The following CERKL variants were observed in gnomAD, a reference collection of about 807,000 sequenced individuals.
The protein encoded by CERKL is ceramide kinase-like protein.
Under a neutral mutation model 63.4 loss-of-function variants are expected in CERKL, and 61 were observed. The ratio of observed to expected loss-of-function variants is 0.96; its 90% CI spans 0.78 to 1.19. The LOEUF (loss-of-function observed/expected upper bound fraction) is 1.19. Among genes scored for constraint, CERKL ranks in the 50% most tolerant of loss-of-function variants. The probability of loss-of-function intolerance (pLI) is 0.00; values close to 1 mark genes in which losing one functional copy is unlikely to be tolerated. For synonymous variants in CERKL, 250 were observed against 230.5 expected (o/e 1.08, Z -0.77); for missense variants, 675 against 655.5 (o/e 1.03, Z -0.33).
At chr2:181,570,411 A>T (rs1057060452) in intron 3 of CERKL, among the ~76,000 whole-genome samples, 1 of 152,160 alleles carries the variant, frequency 6.6e-6, no homozygotes, top group African/African-American at 2.4e-5. Context: ...GATCCTCAAA[A>T]TATCTGTCAC....
chr2:181,560,033 C>G (rs1170830509), intron 4 of CERKL, among the ~76,000 whole-genome samples: 1 of 152,122 alleles, frequency 6.6e-6, no homozygotes, highest in Non-Finnish European at 1.5e-5. Context: ...TTACTAAGGA[C>G]AAACTATATA....
intron 2 of CERKL, among the ~76,000 whole-genome samples, chr2:181,586,232 A>G (rs920808898): frequency 1.3e-5 from 2 of 152,286 alleles, no homozygotes; most frequent in African/African-American, 2.4e-5. Context: ...CCTCTTGACT[A>G]AACAATTAAC....
intron 2 of CERKL, among the ~76,000 whole-genome samples, chr2:181,587,401 TTAAA>T (rs1396416143): frequency 6.6e-5 from 10 of 152,122 alleles, no homozygotes; most frequent in African/African-American, 2.4e-4. Flanking sequence ...CTAAGACTAT[TTAAA>T]TAGAGAGCAA....
intron 1 of CERKL, among the ~76,000 whole-genome samples, chr2:181,632,535 G>A (rs1256949571): frequency 6.6e-6 from 1 of 152,166 alleles, no homozygotes; most frequent in Non-Finnish European, 1.5e-5. Flanking sequence ...GGGTGCACCT[G>A]TTCAGGGTGT....
chr2:181,649,777 C>G (rs1323355111), intron 1 of CERKL: 1 of 152,272 alleles, frequency 6.6e-6, no homozygotes, highest in African/African-American at 2.4e-5. Flanking sequence ...TGGCTGTAAT[C>G]CCAGCACTTT....
chr2:181,620,530 A>T (rs987619585), intron 1 of CERKL, among the ~76,000 whole-genome samples: 2 of 152,218 alleles, frequency 1.3e-5, no homozygotes, highest in African/African-American at 4.8e-5. Context: ...ACAACTGTTG[A>T]AAGTTCAGAG....
At chr2:181,604,199 A>G in intron 1 of CERKL, 120 bp from the exon 2 acceptor site, 1 of 757,564 alleles carries the variant, frequency 1.3e-6, no homozygotes, top group South Asian at 1.6e-5. Context: ...AAAAATAACT[A>G]ATGGGTACTG....
At chr2:181,591,525 C>CA (rs1239204554) in intron 2 of CERKL, among the ~76,000 whole-genome samples, 1 of 151,870 alleles carries the variant, frequency 6.6e-6, no homozygotes, top group South Asian at 2.1e-4. Context: ...GTCTAGGGGC[C>CA]AAAAAAAGAG....
chr2:181,611,214 C>A (rs1236487438), intron 1 of CERKL, among the ~76,000 whole-genome samples: 1 of 152,006 alleles, frequency 6.6e-6, no homozygotes, highest in African/African-American at 2.4e-5. Flanking sequence ...CAGAGTGAAA[C>A]TCCATCTCAA....
intron 2 of CERKL, among the ~76,000 whole-genome samples, chr2:181,590,979 T>C (rs1272713105): frequency 1.3e-5 from 2 of 151,882 alleles, no homozygotes; most frequent in Non-Finnish European, 2.9e-5. Context: ...TATTAGTAAT[T>C]GCAGATACTA....
chr2:181,639,786 C>T (rs1238759435), intron 1 of CERKL, among the ~76,000 whole-genome samples: 1 of 152,100 alleles, frequency 6.6e-6, no homozygotes, highest in Non-Finnish European at 1.5e-5. Flanking sequence ...CACCTCTGGG[C>T]CCTAGGGATA....
chr2:181,565,638 A>G (rs1186599030), intron 4 of CERKL: 1 of 800,532 alleles, frequency 1.2e-6, no homozygotes, highest in African/African-American at 1.7e-5. Context: ...TCTATCACAG[A>G]CAAGTTAACC....
At position 181,633,313 on chromosome 2, in the gene CERKL, G is replaced by A. The variant is rs571463704; in HGVS notation, c.238+23456C>T. Among the ~76,000 whole-genome samples the A allele has an allele frequency of 5.3e-5, 8 of 152,316 alleles. 1 individual carries two copies. Among genetic ancestry groups the A allele is most frequent in the East Asian group, 3.9e-4 (2 of 5,188 alleles). ...GCAGCAAGGATGACTGAATGAGCAC[G>A]GAGATGGAAATGATGACATGCTTCG... On this transcript the variant is annotated intron_variant, in intron 1 of 12. Coordinates refer to ENST00000410087, the MANE Select transcript of CERKL (RefSeq NM_201548.5).
chr2:181,591,303 A>G (rs1213645262), intron 2 of CERKL, among the ~76,000 whole-genome samples: 1 of 152,188 alleles, frequency 6.6e-6, no homozygotes, highest in African/African-American at 2.4e-5. Flanking sequence ...TGAGGTGGAA[A>G]TGATACAGGA....
At chr2:181,619,098 T>C (rs1686338466) in intron 1 of CERKL, among the ~76,000 whole-genome samples, 1 of 105,280 alleles carries the variant, frequency 9.5e-6, no homozygotes, top group African/African-American at 6.6e-5. Flanking sequence ...TGTGATTGGC[T>C]TTCATCATTT....
At position 181,544,799 on chromosome 2, in the gene CERKL, G is replaced by A. The variant is rs1553512879; in HGVS notation, c.1269-3C>T. 2.6e-6 allele frequency: 4 copies of A among 1,549,846 alleles called. No individual in the cohort carries two copies. Among genetic ancestry groups the A allele is most frequent in the African/African-American group, 1.4e-5 (1 of 73,242 alleles). ...GAGCCATACTTCCATTATTTAATCT[G>A]AAATTAAATATTTCTATTAGACATC... On this transcript the variant is annotated splice_region_variant and splice_polypyrimidine_tract_variant and intron_variant, in intron 10 of 12. Coordinates refer to ENST00000410087, the MANE Select transcript of CERKL (RefSeq NM_201548.5).
Position 181,537,947 on chromosome 2 carries a change from C to A in CERKL, c.*237G>T, listed in dbSNP as rs758328553. 6 of 621,676 alleles carry A rather than the reference C, an allele frequency of 9.7e-6. No homozygotes were observed. Among genetic ancestry groups the A allele is most frequent in the Non-Finnish European group, 1.8e-5 (6 of 331,490 alleles). 38.5% of individuals were successfully genotyped at this position (621,676 alleles called of 1,614,324 possible). A position where few individuals can be genotyped will look rare whatever the true frequency, so the allele number is the denominator to read the frequency against. On this transcript the variant is annotated 3_prime_UTR_variant, in exon 13 of 13. Transcript: ENST00000410087. ...GCAGCATTAGATTCTCATAGAAGTG[C>A]GAACCATATGGTGAACTGGTATGTG...
intron 11 of CERKL, among the ~76,000 whole-genome samples, chr2:181,542,027 A>G (rs1411724293): frequency 6.6e-6 from 1 of 152,190 alleles, no homozygotes; most frequent in South Asian, 2.1e-4. Context: ...AGTGAGGGGC[A>G]ATGAGGCCAT....
chr2:181,641,161 A>G (rs888814266), intron 1 of CERKL, among the ~76,000 whole-genome samples: 9 of 152,072 alleles, frequency 5.9e-5, no homozygotes, highest in African/African-American at 1.7e-4. Flanking sequence ...AATGTATCAC[A>G]ATGACCATGA....
Sources: gnomAD v4.1 joint callset for allele counts (sites outside exome capture counted in the v4.1 genomes callset) on GRCh38, gnomAD v4.1.1 for gene constraint, MANE v1.5 for transcripts, NCBI Gene and HGNC (gene_info 2026-07-23, HGNC 2026-07-21) for gene names.